RAPGEF6: variants seen among roughly 807,000 people sequenced by gnomAD.
RAPGEF6 encodes the protein Rap guanine nucleotide exchange factor 6, also known as PDZ domain containing guanine nucleotide exchange factor (GEF) 2.
RAPGEF6 carries 56 observed loss-of-function variants against 171.4 expected under a neutral mutation model. That is an observed-to-expected ratio of 0.33 (90% CI 0.26 to 0.41). The LOEUF is 0.41. RAPGEF6 is among the 10% of genes least tolerant of loss of function. The pLI, the probability that RAPGEF6 is intolerant of heterozygous loss-of-function variation, is 1.00. For missense variants in RAPGEF6, 1,674 were observed against 1,921.4 expected (o/e 0.87, Z 2.41); for synonymous variants, 692 against 650.1 (o/e 1.06, Z -0.98).
intron 21 of RAPGEF6, chr5:131,450,069 T>C (rs775171251): frequency 9.1e-6 from 14 of 1,538,084 alleles, no homozygotes; most frequent in African/African-American, 2.7e-5. Context: ...GCCACAAACA[T>C]TGAAGCATGT....
rs1753455260 is a variant in RAPGEF6 at position 131,455,834 on chromosome 5, C to G, written c.3043G>C (p.Val1015Leu). Reference protein sequence around the residue: ...MQPPIIPLFPVVKKDMTFLHE... With the variant: ...MQPPIIPLFPLVKKDMTFLHE... Reference sequence around the variant, plus strand: ...AGAAATGTCATATCTTTCTTGACAACAGGGAAGAGTGGAATAATTGGAGGC... The same window carrying G: ...AGAAATGTCATATCTTTCTTGACAAGAGGGAAGAGTGGAATAATTGGAGGC... Residue 1015 changes from valine to leucine, a missense_variant, in exon 20 of 28, where the codon GTT becomes CTT. Transcript: ENST00000509018. 1.2e-6 allele frequency: 2 copies of G among 1,613,452 alleles called. No individual in the cohort carries two copies. Among genetic ancestry groups the G allele is most frequent in the South Asian group, 1.1e-5 (1 of 91,068 alleles).
chr5:131,452,611 T>G (rs972260737), intron 21 of RAPGEF6, among the ~76,000 whole-genome samples: 1 of 151,486 alleles, frequency 6.6e-6, no homozygotes, highest in Non-Finnish European at 1.5e-5. Context: ...ATCAGCAATT[T>G]TATTGTATTT....
Position 131,462,094 on chromosome 5 carries a change from T to C in RAPGEF6, c.2481-6A>G, listed in dbSNP as rs1374575731. On this transcript the variant is annotated splice_polypyrimidine_tract_variant and splice_region_variant and intron_variant, in intron 18 of 27. Coordinates refer to ENST00000509018, the MANE Select transcript of RAPGEF6 (RefSeq NM_016340.6). The stretch of plus-strand genomic sequence containing the variant: ...TGTTATTTTTTAAGTAATACCTAAA[T>C]GGAAAAATTTTTTTAAATAAATGTA... The C allele has an allele frequency of 1.4e-6, 2 of 1,480,928 alleles. No individual in the cohort carries two copies. 91.7% of individuals were successfully genotyped at this position (1,480,928 alleles called of 1,614,324 possible). A position where few individuals can be genotyped will look rare whatever the true frequency, so the allele number is the denominator to read the frequency against.
At chr5:131,599,982 A>C (rs1352092076) in intron 3 of RAPGEF6, among the ~76,000 whole-genome samples, 2 of 152,226 alleles carry the variant, frequency 1.3e-5, no homozygotes, top group Middle Eastern at 3.2e-3. Context: ...ATCTGTAAGC[A>C]ACCTGTCAAG....
intron 21 of RAPGEF6, among the ~76,000 whole-genome samples, chr5:131,451,635 A>C (rs1753080389): frequency 6.6e-6 from 1 of 152,118 alleles, no homozygotes; most frequent in African/African-American, 2.4e-5. Flanking sequence ...AAACAAATAA[A>C]AAAAAACCCA....
At chr5:131,461,063 T>C (rs964734937) in intron 19 of RAPGEF6, among the ~76,000 whole-genome samples, 3 of 152,174 alleles carry the variant, frequency 2.0e-5, no homozygotes, top group Non-Finnish European at 4.4e-5. Flanking sequence ...AGAAAATAAA[T>C]TACCTACAAT....
At chr5:131,536,363 A>T (rs1759774537) in intron 6 of RAPGEF6, among the ~76,000 whole-genome samples, 1 of 152,110 alleles carries the variant, frequency 6.6e-6, no homozygotes, top group South Asian at 2.1e-4. Context: ...GACACAGTTA[A>T]CTCTAATTAC....
rs1580615331 is a variant in RAPGEF6, at chr5:131,580,214, G to A, written c.281+12169C>T. Among the ~76,000 whole-genome samples, 7 of 152,178 alleles carry A rather than the reference G, an allele frequency of 4.6e-5. No homozygotes were observed. In the South Asian group the frequency reaches 1.4e-3, roughly 31 times the overall value. On this transcript the variant is annotated intron_variant, in intron 4 of 27. Coordinates refer to ENST00000509018, the MANE Select transcript of RAPGEF6 (RefSeq NM_016340.6). ...GCTGAGGCCTGGTGAGAATTCGAGC[G>A]TGGCATGGGCAGGCCGGCAGTGCTG...
intron 26 of RAPGEF6, among the ~76,000 whole-genome samples, chr5:131,430,085 G>A (rs1751606617): frequency 6.6e-6 from 1 of 151,022 alleles, no homozygotes; most frequent in East Asian, 1.9e-4. Flanking sequence ...AAATGAATGA[G>A]CTAAAAACCC....
At chr5:131,521,840 TACACACACACACACACACACACAC>T (rs3992018) in intron 6 of RAPGEF6, among the ~76,000 whole-genome samples, 9 of 97,252 alleles carry the variant, frequency 9.3e-5, no homozygotes, top group African/African-American at 1.3e-4. Context: ...AATGTTACCC[TACACACACACACACACACACACAC>T]ACACACACAC....
intron 22 of RAPGEF6, among the ~76,000 whole-genome samples, chr5:131,445,740 AT>A (rs1006610074): frequency 6.6e-6 from 1 of 150,940 alleles, no homozygotes; most frequent in Non-Finnish European, 1.5e-5. Context: ...GATAATTTTA[AT>A]TTTTTTTTGT....
intron 4 of RAPGEF6, among the ~76,000 whole-genome samples, chr5:131,564,461 C>T (rs1191607743): frequency 6.6e-6 from 1 of 152,042 alleles, no homozygotes; most frequent in Non-Finnish European, 1.5e-5. Flanking sequence ...GCTGAACTTG[C>T]GCAAATACAT....
chr5:131,498,861 C>T (rs1486056914), intron 11 of RAPGEF6, among the ~76,000 whole-genome samples: 3 of 152,206 alleles, frequency 2.0e-5, no homozygotes, highest in African/African-American at 7.2e-5. Context: ...GCTGTTTTCA[C>T]TGGCATTTCA....
intron 6 of RAPGEF6, among the ~76,000 whole-genome samples, chr5:131,534,415 T>C (rs751274392): frequency 7.2e-5 from 11 of 152,174 alleles, no homozygotes; most frequent in Non-Finnish European, 1.3e-4. Flanking sequence ...TTTCAAAATA[T>C]GTAATTATTT....
intron 6 of RAPGEF6, among the ~76,000 whole-genome samples, chr5:131,539,578 A>C (rs751197584): frequency 2.6e-5 from 4 of 152,202 alleles, no homozygotes; most frequent in Non-Finnish European, 5.9e-5. Context: ...TAAGACACAC[A>C]TACACACACA....
At chr5:131,451,528 G>A (rs925936819) in intron 21 of RAPGEF6, among the ~76,000 whole-genome samples, 12 of 152,196 alleles carry the variant, frequency 7.9e-5, no homozygotes, top group Non-Finnish European at 1.3e-4. Context: ...GGTTGAGGCT[G>A]CAGTGAGCCA....
intron 6 of RAPGEF6, among the ~76,000 whole-genome samples, chr5:131,523,793 A>C (rs199832508): frequency 3.3e-5 from 5 of 150,992 alleles, no homozygotes; most frequent in South Asian, 4.2e-4. Flanking sequence ...GCAAGATAAA[A>C]AAACAAACAA....
chr5:131,512,936 A>G (rs183521107), intron 7 of RAPGEF6, among the ~76,000 whole-genome samples: 83 of 152,264 alleles, frequency 5.5e-4, no homozygotes, highest in Middle Eastern at 3.4e-3. Flanking sequence ...TCCAGCCTCA[A>G]GAATAGTGAG....
chr5:131,449,365 CAAGT>C (rs1416489508), intron 21 of RAPGEF6, among the ~76,000 whole-genome samples: 1 of 152,138 alleles, frequency 6.6e-6, no homozygotes, highest in African/African-American at 2.4e-5. Context: ...GTCAATGCTA[CAAGT>C]AAGTGGCATT....
Sources: allele counts gnomAD v4.1 joint callset (sites outside exome capture counted in the v4.1 genomes callset), GRCh38; gene constraint gnomAD v4.1.1; transcripts MANE v1.5; gene names NCBI Gene and HGNC (gene_info 2026-07-23, HGNC 2026-07-21).